UNC13B: variants seen among roughly 807,000 people sequenced by gnomAD.
UNC13B encodes protein unc-13 homolog B.
Under a neutral mutation model 211.0 loss-of-function variants are expected in UNC13B, and 144 were observed. The observed-to-expected ratio is 0.68, with a 90% CI of 0.60 to 0.78. The LOEUF (loss-of-function observed/expected upper bound fraction) is 0.78, where lower values mean the gene tolerates loss of function less well. Among genes scored for constraint, UNC13B ranks in the 30% least tolerant of loss-of-function variants. UNC13B has a pLI of 0.00. For synonymous variants in UNC13B, 709 were observed against 725.8 expected (o/e 0.98, Z 0.37); for missense variants, 1,777 against 2,002.0 (o/e 0.89, Z 2.14).
At chr9:35,231,060 G>C in intron 2 of UNC13B, 60 bp from the exon 3 acceptor site, 2 of 1,135,786 alleles carry the variant, frequency 1.8e-6, no homozygotes, top group African/African-American at 1.5e-5. Context: ...CAAGGGCTTT[G>C]TGAGATGGGT....
At chr9:35,222,976 C>T (rs1199021424) in intron 1 of UNC13B, among the ~76,000 whole-genome samples, 1 of 152,210 alleles carries the variant, frequency 6.6e-6, no homozygotes, top group Non-Finnish European at 1.5e-5. Context: ...TAGCTTATTT[C>T]ACTTAACATG....
At chr9:35,330,133 G>T (rs1398762977) in intron 11 of UNC13B, among the ~76,000 whole-genome samples, 1 of 152,210 alleles carries the variant, frequency 6.6e-6, no homozygotes, top group Non-Finnish European at 1.5e-5. Flanking sequence ...GTTCTTCTCA[G>T]TTATAAAATT....
chr9:35,353,201 T>G, intron 11 of UNC13B: 1 of 1,232,100 alleles, frequency 8.1e-7, no homozygotes, highest in Non-Finnish European at 1.0e-6. Context: ...CAAGGATGTC[T>G]TTGACAAGTC....
At chr9:35,265,951 A>G (rs751927837) in intron 7 of UNC13B, among the ~76,000 whole-genome samples, 9 of 152,050 alleles carry the variant, frequency 5.9e-5, no homozygotes, top group Admixed American at 2.0e-4. Flanking sequence ...TCAGCCTCCG[A>G]GTAGCTGGGA....
chr9:35,193,111 C>T (rs977646199), intron 1 of UNC13B, among the ~76,000 whole-genome samples: 1 of 152,150 alleles, frequency 6.6e-6, no homozygotes, highest in South Asian at 2.1e-4. Flanking sequence ...ACTTCCTAGA[C>T]TTGTGTGACC....
intron 1 of UNC13B, among the ~76,000 whole-genome samples, chr9:35,176,532 A>G (rs1821646485): frequency 6.6e-6 from 1 of 152,200 alleles, no homozygotes; most frequent in Admixed American, 6.5e-5. Context: ...TGGGAGACAG[A>G]GCAAGAGTTT....
intron 7 of UNC13B, among the ~76,000 whole-genome samples, chr9:35,295,214 C>T (rs1564118343): frequency 6.6e-6 from 1 of 152,098 alleles, no homozygotes; most frequent in East Asian, 1.9e-4. Context: ...TTATTTGGTT[C>T]AATCCATATG....
In UNC13B at chr9:35,403,864, TCACA is replaced by T; in HGVS notation, c.12855_12858del (p.Thr4286ProfsTer22). On this transcript the variant is annotated frameshift_variant, in exon 40 of 40. Transcript: ENST00000635942. LOFTEE classifies it high-confidence loss of function. ...CTGGCTGTGATGCCTCTGAGGGATG[TCACA>T]GCCAAGGGCAGCTGTGCCTGCTGGT... 6.2e-7 allele frequency: 1 copy of T among 1,614,130 alleles called. No individual in the cohort carries two copies. Among genetic ancestry groups the T allele is most frequent in the South Asian group, 1.1e-5 (1 of 91,080 alleles).
intron 11 of UNC13B, chr9:35,352,529 A>C: frequency 8.1e-7 from 1 of 1,232,136 alleles, no homozygotes; most frequent in Non-Finnish European, 1.0e-6. Context: ...GACTTCTTTA[A>C]ACCAGGATGA....
At chr9:35,358,187 C>T (rs1480777853) in intron 11 of UNC13B, among the ~76,000 whole-genome samples, 2 of 152,214 alleles carry the variant, frequency 1.3e-5, no homozygotes, top group African/African-American at 4.8e-5. Context: ...ACATGTATCA[C>T]ATTTTATTTA....
At chr9:35,309,317 C>T (rs1387905212) in intron 9 of UNC13B, among the ~76,000 whole-genome samples, 1 of 151,518 alleles carries the variant, frequency 6.6e-6, no homozygotes, top group African/African-American at 2.4e-5. Context: ...AGAACAGTGA[C>T]CTGGTACCTA....
intron 5 of UNC13B, among the ~76,000 whole-genome samples, chr9:35,242,795 A>G (rs1429357621): frequency 2.0e-5 from 3 of 152,182 alleles, no homozygotes; most frequent in Non-Finnish European, 4.4e-5. Flanking sequence ...TCTTTCGTAT[A>G]TATAATCCAA....
intron 11 of UNC13B, among the ~76,000 whole-genome samples, chr9:35,331,397 A>G (rs1461588868): frequency 6.6e-6 from 1 of 152,050 alleles, no homozygotes; most frequent in Non-Finnish European, 1.5e-5. Flanking sequence ...ACAGGAGTGC[A>G]TCACCACACC....
In UNC13B at chr9:35,381,542, T is replaced by C; in HGVS notation, c.10492-14T>C. ...TGTTTAACCCATTCCCTTTCTCTGC[T>C]CTGTCTCCTGCAGAATCTTTTCCAT... is the stretch of plus-strand genomic sequence containing the variant. On this transcript the variant is annotated splice_polypyrimidine_tract_variant and intron_variant, in intron 19 of 39. Transcript: ENST00000635942. The C allele has an allele frequency of 1.2e-6, 2 of 1,609,946 alleles. No individual in the cohort carries two copies. The highest frequency in any genetic ancestry group is 1.7e-6 in the Non-Finnish European group (2 of 1,177,138).
intron 11 of UNC13B, among the ~76,000 whole-genome samples, chr9:35,344,081 C>T (rs1171748577): frequency 6.6e-6 from 1 of 152,066 alleles, no homozygotes; most frequent in African/African-American, 2.4e-5. Flanking sequence ...CCATCACTAG[C>T]ACAAGGATCA....
intron 7 of UNC13B, among the ~76,000 whole-genome samples, chr9:35,264,212 A>G (rs1393819709): frequency 6.6e-6 from 1 of 152,228 alleles, no homozygotes; most frequent in Non-Finnish European, 1.5e-5. Flanking sequence ...GAGGAGAGCT[A>G]CAGAGAAAAC....
intron 22 of UNC13B, chr9:35,384,885 C>A: frequency 1.5e-6 from 1 of 659,288 alleles, no homozygotes; most frequent in African/African-American, 2.0e-5. Flanking sequence ...TTAGAAATGG[C>A]TTCATTACTT....
At chr9:35,236,317 C>T in intron 3 of UNC13B, 152 bp from the exon 4 acceptor site, 1 of 616,974 alleles carries the variant, frequency 1.6e-6, no homozygotes, top group Admixed American at 3.0e-5. Context: ...TTTCTTGGAG[C>T]CTAAAAATGG....
Position 35,295,677 on chromosome 9 carries a change from G to T in UNC13B, c.527-19G>T. 1 of 1,609,808 alleles carries T rather than the reference G, an allele frequency of 6.2e-7. No homozygotes were observed. Among genetic ancestry groups the T allele is most frequent in the Non-Finnish European group, 8.5e-7 (1 of 1,176,182 alleles). The stretch of plus-strand genomic sequence containing the variant: ...TAAATAAAGCTGGGGTGCTTTGATT[G>T]AATGTGCTTATTCCATAGCTTTTGA... On this transcript the variant is annotated intron_variant, in intron 7 of 39. Transcript: ENST00000635942.
Sources: gnomAD v4.1 joint callset for allele counts (sites outside exome capture counted in the v4.1 genomes callset) on GRCh38, gnomAD v4.1.1 for gene constraint, MANE v1.5 for transcripts, NCBI Gene and HGNC (gene_info 2026-07-23, HGNC 2026-07-21) for gene names.